The following CNTN3 variants were observed in gnomAD, a reference collection of about 807,000 sequenced individuals.
CNTN3 encodes the protein contactin 3.
Under a neutral mutation model 119.1 loss-of-function variants are expected in CNTN3, and 60 were observed. The observed-to-expected ratio is 0.50, with a 90% CI of 0.41 to 0.62. The LOEUF is 0.62. Ranked by LOEUF, CNTN3 falls within the 20% of genes least tolerant of loss-of-function variation. CNTN3 has a pLI of 0.00. For missense variants in CNTN3, 1,101 were observed against 1,242.4 expected (o/e 0.89, Z 1.71); for synonymous variants, 450 against 438.7 (o/e 1.03, Z -0.32).
At chr3:74,538,292 T>C (rs913343344) in intron 1 of CNTN3, among the ~76,000 whole-genome samples, 6 of 152,124 alleles carry the variant, frequency 3.9e-5, no homozygotes, top group Non-Finnish European at 8.8e-5. Context: ...AAACACTTTG[T>C]TGGGTGCAAT....
intron 20 of CNTN3, among the ~76,000 whole-genome samples, chr3:74,269,459 C>T (rs1465636149): frequency 6.6e-6 from 1 of 152,074 alleles, no homozygotes; most frequent in Non-Finnish European, 1.5e-5. Flanking sequence ...ATACTTAGTA[C>T]ACGTCTATAA....
intron 1 of CNTN3, among the ~76,000 whole-genome samples, chr3:74,545,684 T>G (rs1703903909): frequency 6.6e-6 from 1 of 152,182 alleles, no homozygotes; most frequent in African/African-American, 2.4e-5. Context: ...AATATGAAAT[T>G]TACTTTCTTA....
rs1265188383 is a variant in CNTN3, at chr3:74,614,537, G to A, written c.-227C>T. 6.8e-6 allele frequency among the ~76,000 whole-genome samples: 1 copy of A among 146,886 alleles called. No homozygotes were observed. Among genetic ancestry groups the A allele is most frequent in the Non-Finnish European group, 1.5e-5 (1 of 66,254 alleles). On this transcript the variant is annotated 5_prime_UTR_variant, in exon 1 of 23. Transcript: ENST00000263665. ...CCCGCGTAAGCCGCCGCCGCCGCAG[G>A]CGCAGCACCCTCGTCCGCACGGTTC...
At chr3:74,596,773 G>A (rs1704818805) in intron 1 of CNTN3, among the ~76,000 whole-genome samples, 1 of 151,972 alleles carries the variant, frequency 6.6e-6, no homozygotes. Flanking sequence ...ACAAATCAGT[G>A]AATATAAAAT....
intron 4 of CNTN3, among the ~76,000 whole-genome samples, chr3:74,453,290 T>C (rs905140462): frequency 6.6e-6 from 1 of 152,190 alleles, no homozygotes; most frequent in African/African-American, 2.4e-5. Context: ...CTAGATTTTC[T>C]AGTTTACTTG....
At chr3:74,606,406 C>G (rs1704993793) in intron 1 of CNTN3, among the ~76,000 whole-genome samples, 1 of 151,732 alleles carries the variant, frequency 6.6e-6, no homozygotes, top group Admixed American at 6.6e-5. Flanking sequence ...CTATCCTAAT[C>G]TATGTCTTAT....
intron 13 of CNTN3, among the ~76,000 whole-genome samples, chr3:74,333,384 C>T (rs963113036): frequency 6.6e-6 from 1 of 152,222 alleles, no homozygotes; most frequent in Non-Finnish European, 1.5e-5. Context: ...AGGCTCCCTG[C>T]AAAATCTCTA....
intron 4 of CNTN3, 136 bp downstream of exon 4, chr3:74,486,320 A>G: frequency 1.3e-6 from 1 of 757,172 alleles, no homozygotes; most frequent in Non-Finnish European, 2.1e-6. Context: ...TCCAAAAATC[A>G]TACTGAATTG....
In CNTN3 at chr3:74,371,338, T is replaced by C; in HGVS notation, c.516A>G (p.Arg172=). 6.2e-7 allele frequency: 1 copy of C among 1,613,218 alleles called. No individual in the cohort carries two copies. Among genetic ancestry groups the C allele is most frequent in the Non-Finnish European group, 8.5e-7 (1 of 1,179,442 alleles). ...GGTGCCCTGTCTCCTGGGAGACAAATCTCCGACTATCTTCTTCAACAAACG... is the reference window on the plus strand; with the variant it reads ...GGTGCCCTGTCTCCTGGGAGACAAACCTCCGACTATCTTCTTCAACAAACG... ...YPSFVEEDSR[R]FVSQETGHLY... Residue 172 remains arginine, a synonymous_variant, in exon 6 of 23, where the codon AGA becomes AGG. Transcript: ENST00000263665.
intron 1 of CNTN3, among the ~76,000 whole-genome samples, chr3:74,582,539 C>CCCAA (rs1704529501): frequency 6.6e-6 from 1 of 152,032 alleles, no homozygotes. Context: ...GGCAATACTT[C>CCCAA]AACAAACACT....
chr3:74,338,065 C>A (rs1559553515), intron 11 of CNTN3, among the ~76,000 whole-genome samples: 2 of 152,028 alleles, frequency 1.3e-5, no homozygotes, highest in Non-Finnish European at 2.9e-5. Flanking sequence ...GCATTTAACA[C>A]TTGAGTGTCT....
intron 1 of CNTN3, among the ~76,000 whole-genome samples, chr3:74,572,994 T>A (rs904274064): frequency 1.3e-5 from 2 of 151,998 alleles, no homozygotes; most frequent in Non-Finnish European, 2.9e-5. Flanking sequence ...GGGTGGGGAG[T>A]GTGGATGTTC....
At chr3:74,312,571 G>A (rs552494598) in intron 13 of CNTN3, among the ~76,000 whole-genome samples, 2 of 150,910 alleles carry the variant, frequency 1.3e-5, no homozygotes, top group East Asian at 2.0e-4. Flanking sequence ...GGCCCCTTAA[G>A]CCATCCTGTT....
rs774992769 is a variant in CNTN3 at position 74,528,197 on chromosome 3, A to G, written c.-80-7005T>C. The stretch of plus-strand genomic sequence containing the variant: ...GTAGATTTTCCTTCCCTTTGATTCA[A>G]TGGAAAATTATTCCAGACCTCCTTG... On this transcript the variant is annotated intron_variant, in intron 1 of 22. Transcript: ENST00000263665. Among the ~76,000 whole-genome samples the G allele has an allele frequency of 2.0e-4, 31 of 151,976 alleles. 1 individual carries two copies. Among genetic ancestry groups the G allele is most frequent in the Middle Eastern group, 3.4e-3 (1 of 294 alleles).
intron 13 of CNTN3, among the ~76,000 whole-genome samples, chr3:74,329,268 T>C (rs530469819): frequency 6.6e-6 from 1 of 152,274 alleles, no homozygotes; most frequent in East Asian, 1.9e-4. Flanking sequence ...TAAATCATAT[T>C]GAAGTGAGCC....
intron 5 of CNTN3, among the ~76,000 whole-genome samples, chr3:74,402,838 C>T (rs1705231617): frequency 6.6e-6 from 1 of 152,274 alleles, no homozygotes; most frequent in Non-Finnish European, 1.5e-5. Flanking sequence ...GTTCAGCCTG[C>T]AATGGCAAGG....
At chr3:74,307,485 G>T (rs1346514731) in intron 13 of CNTN3, among the ~76,000 whole-genome samples, 3 of 152,074 alleles carry the variant, frequency 2.0e-5, no homozygotes, top group African/African-American at 7.2e-5. Context: ...AATGCTAAGG[G>T]AAAAGCCAGT....
At chr3:74,350,971 T>C (rs911068431) in intron 11 of CNTN3, among the ~76,000 whole-genome samples, 2 of 152,286 alleles carry the variant, frequency 1.3e-5, no homozygotes, top group Non-Finnish European at 2.9e-5. Context: ...CATGTTTTCA[T>C]AGGGTACCAT....
intron 4 of CNTN3, among the ~76,000 whole-genome samples, chr3:74,448,208 C>A (rs1702083696): frequency 6.6e-6 from 1 of 152,062 alleles, no homozygotes; most frequent in Admixed American, 6.6e-5. Flanking sequence ...GTGTTTACAT[C>A]CATTCTGAAC....
Sources: gnomAD v4.1 joint callset for allele counts (sites outside exome capture counted in the v4.1 genomes callset) on GRCh38, gnomAD v4.1.1 for gene constraint, MANE v1.5 for transcripts, NCBI Gene and HGNC (gene_info 2026-07-23, HGNC 2026-07-21) for gene names.